The following ERBB4 variants were observed in gnomAD, a reference collection of about 807,000 sequenced individuals.
ERBB4 encodes the protein receptor tyrosine-protein kinase erbB-4.
A neutral mutation model predicts 158.0 loss-of-function variants in ERBB4; 42 were observed. That is an observed-to-expected ratio of 0.27 (90% CI 0.21 to 0.34). ERBB4 has a LOEUF of 0.34. ERBB4 is among the 10% of genes least tolerant of loss of function. The probability of loss-of-function intolerance (pLI) is 1.00; values close to 1 mark genes in which losing one functional copy is unlikely to be tolerated. For missense variants in ERBB4, 1,333 were observed against 1,624.1 expected (o/e 0.82, Z 3.08); for synonymous variants, 583 against 558.7 (o/e 1.04, Z -0.61).
At chr2:212,430,710 T>C (rs888870509) in intron 1 of ERBB4, among the ~76,000 whole-genome samples, 12 of 152,156 alleles carry the variant, frequency 7.9e-5, no homozygotes, top group South Asian at 6.2e-4. Flanking sequence ...TGTATACATA[T>C]TGAGATCCCA....
At chr2:211,983,242 G>A (rs2081853209) in intron 2 of ERBB4, among the ~76,000 whole-genome samples, 1 of 152,086 alleles carries the variant, frequency 6.6e-6, no homozygotes, top group Non-Finnish European at 1.5e-5. Context: ...GAGGCAGTGG[G>A]GTTAGAAAGA....
intron 3 of ERBB4, among the ~76,000 whole-genome samples, chr2:211,829,440 T>A (rs572426701): frequency 6.6e-6 from 1 of 152,240 alleles, no homozygotes; most frequent in African/African-American, 2.4e-5. Flanking sequence ...CCGTTAAGTA[T>A]CTCATTGTGT....
At chr2:212,417,037 G>T (rs1206078650) in intron 1 of ERBB4, among the ~76,000 whole-genome samples, 1 of 151,960 alleles carries the variant, frequency 6.6e-6, no homozygotes, top group Non-Finnish European at 1.5e-5. Flanking sequence ...AGGGAAAATG[G>T]ATTTATACTT....
At chr2:211,496,516 T>C (rs767424129) in intron 20 of ERBB4, among the ~76,000 whole-genome samples, 3 of 151,636 alleles carry the variant, frequency 2.0e-5, no homozygotes, top group Non-Finnish European at 4.4e-5. Flanking sequence ...TAACATCACA[T>C]ACCTTCTTCT....
chr2:212,214,435 C>A (rs2083033546), intron 1 of ERBB4, among the ~76,000 whole-genome samples: 1 of 151,798 alleles, frequency 6.6e-6, no homozygotes, highest in African/African-American at 2.4e-5. Flanking sequence ...ACTACATTAT[C>A]TTGAATAGTT....
chr2:211,821,911 A>C (rs990324273), intron 3 of ERBB4, among the ~76,000 whole-genome samples: 2 of 152,020 alleles, frequency 1.3e-5, no homozygotes, highest in African/African-American at 4.8e-5. Flanking sequence ...ACTAGAAGAA[A>C]ACATAGGAAA....
intron 1 of ERBB4, among the ~76,000 whole-genome samples, chr2:212,381,784 C>G (rs1205095419): frequency 1.3e-5 from 2 of 151,232 alleles, no homozygotes; most frequent in Non-Finnish European, 3.0e-5. Flanking sequence ...CACAGATAAC[C>G]AAGTCTTGAA....
intron 1 of ERBB4, among the ~76,000 whole-genome samples, chr2:212,284,607 T>C (rs2085888478): frequency 1.3e-5 from 2 of 152,136 alleles, no homozygotes; most frequent in South Asian, 4.1e-4. Flanking sequence ...TAAACTTAGC[T>C]CATGTTTTTG....
chr2:211,792,785 G>A (rs1435892283), intron 3 of ERBB4, among the ~76,000 whole-genome samples: 2 of 151,802 alleles, frequency 1.3e-5, no homozygotes, highest in Non-Finnish European at 2.9e-5. Context: ...GTTAACCATT[G>A]GACCATGTCT....
chr2:211,579,165 T>C (rs969721907), intron 19 of ERBB4, among the ~76,000 whole-genome samples: 1 of 152,014 alleles, frequency 6.6e-6, no homozygotes, highest in African/African-American at 2.4e-5. Context: ...CTTCTCAATA[T>C]AAGACATTCA....
intron 23 of ERBB4, among the ~76,000 whole-genome samples, chr2:211,423,720 TAAATTAATTTTTA>T (rs1280167288): frequency 6.6e-6 from 1 of 152,042 alleles, no homozygotes; most frequent in African/African-American, 2.4e-5. Flanking sequence ...CTATTTCTAT[TAAATTAATTTTTA>T]AAACTGTCAG....
At chr2:211,724,998 A>T in intron 6 of ERBB4, 78 bp downstream of exon 6, 7 of 1,090,138 alleles carry the variant, frequency 6.4e-6, no homozygotes, top group Non-Finnish European at 8.5e-6. Flanking sequence ...TTGTAATAAG[A>T]CAAAGATTCA....
At chr2:212,135,192 A>G (rs1223094226) in intron 1 of ERBB4, among the ~76,000 whole-genome samples, 1 of 152,154 alleles carries the variant, frequency 6.6e-6, no homozygotes, top group East Asian at 1.9e-4. Flanking sequence ...TGTTGATTAC[A>G]ATAGTCTTTG....
intron 3 of ERBB4, among the ~76,000 whole-genome samples, chr2:211,833,566 T>A (rs1389905421): frequency 6.6e-6 from 1 of 152,030 alleles, no homozygotes; most frequent in Non-Finnish European, 1.5e-5. Context: ...TATGATCATC[T>A]TCCCTGAGGG....
intron 22 of ERBB4, among the ~76,000 whole-genome samples, chr2:211,427,724 T>C (rs1433771384): frequency 6.6e-6 from 1 of 152,102 alleles, no homozygotes; most frequent in African/African-American, 2.4e-5. Context: ...CACAAAAAAG[T>C]TGGTTTTGTT....
At chr2:211,894,431 G>A (rs1490977398) in intron 3 of ERBB4, among the ~76,000 whole-genome samples, 1 of 135,666 alleles carries the variant, frequency 7.4e-6, no homozygotes, top group East Asian at 2.2e-4. Context: ...GGAGGGGTGA[G>A]GGATAGCATT....
chr2:212,189,089 G>C (rs1266643662), intron 1 of ERBB4, among the ~76,000 whole-genome samples: 1 of 137,118 alleles, frequency 7.3e-6, no homozygotes, highest in Non-Finnish European at 1.6e-5. Flanking sequence ...TTTTGGGGGG[G>C]GGGGTGATTT....
intron 20 of ERBB4, among the ~76,000 whole-genome samples, chr2:211,525,663 T>C (rs1331615627): frequency 6.6e-6 from 1 of 152,144 alleles, no homozygotes; most frequent in African/African-American, 2.4e-5. Context: ...ATTTTAGGCC[T>C]TGGTTCTTGG....
intron 3 of ERBB4, among the ~76,000 whole-genome samples, chr2:211,926,102 T>C (rs1251554279): frequency 1.3e-5 from 2 of 152,174 alleles, no homozygotes; most frequent in African/African-American, 2.4e-5. Context: ...ACTAGGAATG[T>C]CTCGGAGCCA....
Sources: gnomAD v4.1 joint callset for allele counts (sites outside exome capture counted in the v4.1 genomes callset) on GRCh38, gnomAD v4.1.1 for gene constraint, MANE v1.5 for transcripts, NCBI Gene and HGNC (gene_info 2026-07-23, HGNC 2026-07-21) for gene names.